The following RELA variants were observed in gnomAD, a reference collection of about 807,000 sequenced individuals.
The protein encoded by RELA is RELA proto-oncogene, NF-kB subunit.
RELA carries 14 observed loss-of-function variants against 56.7 expected under a neutral mutation model. That is an observed-to-expected ratio of 0.25 (90% CI 0.16 to 0.39). The LOEUF (loss-of-function observed/expected upper bound fraction) is 0.39. Ranked by LOEUF, RELA falls within the 10% of genes least tolerant of loss-of-function variation. The pLI, the probability that RELA is intolerant of heterozygous loss-of-function variation, is 1.00. For missense variants in RELA, 559 were observed against 736.4 expected (o/e 0.76, Z 2.79); for synonymous variants, 315 against 289.7 (o/e 1.09, Z -0.89).
Position 65,658,469 on chromosome 11 carries a change from C to G in RELA, c.695G>C (p.Gly232Ala), listed in dbSNP as rs1343398488. 6.2e-7 allele frequency: 1 copy of G among 1,611,484 alleles called. No individual in the cohort carries two copies. Among genetic ancestry groups the G allele is most frequent in the Admixed American group, 1.7e-5 (1 of 59,862 alleles). Residue 232 changes from glycine (G) to alanine (A), a missense_variant, in exon 8 of 11, where the codon GGC becomes GCC. Physicochemically the swap from Gly to Ala is moderately conservative, Grantham distance 60 (BLOSUM62 0). This residue lies in a region of RELA where 149 missense variants were observed against 256.0 expected (regional missense o/e 0.58). Coordinates refer to ENST00000406246, the MANE Select transcript of RELA (RefSeq NM_021975.4). This position sits in a 1 kb window ranked among gnomAD's most constrained non-coding sequence, Gnocchi z 4.5. ...CGAAAAGGAGCCTCGGGCCTCCCAGCCTGGTCCCGTGAAATACACCTCAAT... is the reference window on the plus strand; with the variant it reads ...CGAAAAGGAGCCTCGGGCCTCCCAGGCTGGTCCCGTGAAATACACCTCAAT... ...EDIEVYFTGP[G>A]WEARGSFSQA...
At chr11:65,660,964 G>A (rs915391720) in intron 4 of RELA, among the ~76,000 whole-genome samples, 6 of 150,976 alleles carry the variant, frequency 4.0e-5, no homozygotes, top group Non-Finnish European at 5.9e-5. Context: ...GCATGAACCC[G>A]GAAGGTGGAG....
At chr11:65,661,480 C>G (rs1261431883) in intron 4 of RELA, 2 of 483,490 alleles carry the variant, frequency 4.1e-6, no homozygotes, top group Non-Finnish European at 7.3e-6. Context: ...TGATTAGGGA[C>G]CCATCCGTAT....
intron 5 of RELA, 140 bp downstream of exon 5, chr11:65,659,983 TC>T: frequency 8.6e-7 from 1 of 1,160,804 alleles, no homozygotes; most frequent in Non-Finnish European, 1.3e-6. Context: ...GGACTCAGTT[TC>T]CCAGTGGTAA....
At chr11:65,662,974 C>A, upstream of RELA, 1 of 606,548 alleles carries the variant, frequency 1.6e-6, no homozygotes. Flanking sequence ...CTGCGCGCTG[C>A]CCCGCCGCCG....
In RELA at chr11:65,654,071, A is replaced by AGGATGG. The variant is rs1856350095; in HGVS notation, c.*301_*306dup. The AGGATGG allele has an allele frequency of 2.3e-6, 1 of 433,824 alleles. No homozygotes were observed. The highest frequency in any genetic ancestry group is 4.3e-6 in the Non-Finnish European group (1 of 234,638). 26.9% of individuals were successfully genotyped at this position (433,824 alleles called of 1,614,324 possible). ...TCTCTAGGAGAGTACCAGAAGCTGG[A>AGGATGG]GGATGGGGATGGGGGACCCCAGAGT... On this transcript the variant is annotated 3_prime_UTR_variant, in exon 11 of 11. Coordinates refer to ENST00000406246, the MANE Select transcript of RELA (RefSeq NM_021975.4).
Position 65,655,755 on chromosome 11 carries a change from G to C in RELA, c.966C>G (p.Thr322=). The C allele has an allele frequency of 1.9e-6, 3 of 1,613,956 alleles. No homozygotes were observed. The East Asian group carries it at 6.7e-5, about 36-fold the overall frequency. ...TGCGTCGAGGTGGAGGCCGGGGGTC[G>C]GTGGGTCCTGTAGGGCAAGGGCTAG... The part of the protein sequence containing the change: ...IMKKSPFSGP[T]DPRPPPRRIA... The change falls in exon 10 of 11, where the codon ACC becomes ACG. Residue 322 remains threonine (T), a synonymous_variant. Coordinates refer to ENST00000406246, the MANE Select transcript of RELA (RefSeq NM_021975.4).
chr11:65,656,033 C>T, intron 8 of RELA, 98 bp from the exon 9 acceptor site: 1 of 979,896 alleles, frequency 1.0e-6, no homozygotes, highest in Non-Finnish European at 1.6e-6. Flanking sequence ...GCCAGGCTTT[C>T]CCAAGACCCA....
chr11:65,662,524 C>G lies in RELA; in HGVS notation c.7+302G>C, dbSNP rs1480552232. The G allele has an allele frequency of 8.9e-6, 4 of 447,268 alleles. No homozygotes were observed. In the Admixed American group the frequency reaches 1.6e-4, roughly 18 times the overall value. 27.7% of individuals were successfully genotyped at this position (447,268 alleles called of 1,614,324 possible). A position where few individuals can be genotyped will look rare whatever the true frequency, so the allele number is the denominator to read the frequency against. On this transcript the variant is annotated intron_variant, in intron 1 of 10. Transcript: ENST00000406246. The stretch of plus-strand genomic sequence containing the variant: ...GGAAACTGAATCAGATGCGTTCTCC[C>G]CTAATAGGGAAACGAAGCCAGAGCT...
chr11:65,656,390 ACTGT>A (rs1190431080), intron 8 of RELA, among the ~76,000 whole-genome samples: 2 of 152,202 alleles, frequency 1.3e-5, no homozygotes, highest in Non-Finnish European at 1.5e-5. Context: ...AGCTTTCAGA[ACTGT>A]CTTTCTAATT....
Position 65,654,172 on chromosome 11 carries a change from A to G in RELA, c.*206T>C. The G allele has an allele frequency of 5.7e-6, 4 of 705,250 alleles. No individual in the cohort carries two copies. In the South Asian group the frequency reaches 6.1e-5, roughly 11 times the overall value. The allele number at this position is 705,250 out of a possible 1,614,324, so 43.7% of individuals were successfully genotyped here. A position where few individuals can be genotyped will look rare whatever the true frequency, so the allele number is the denominator to read the frequency against. On this transcript the variant is annotated 3_prime_UTR_variant, in exon 11 of 11. Coordinates refer to ENST00000406246, the MANE Select transcript of RELA (RefSeq NM_021975.4). ...TCCCCAGCTCCCCCCTTTCCAGAGAAGTTAATGCTTCTGCTTAAGCACCTC... is the reference window on the plus strand; with the variant it reads ...TCCCCAGCTCCCCCCTTTCCAGAGAGGTTAATGCTTCTGCTTAAGCACCTC...
At chr11:65,660,016 C>T in intron 5 of RELA, 108 bp downstream of exon 5, 1 of 1,239,310 alleles carries the variant, frequency 8.1e-7, no homozygotes, top group Non-Finnish European at 1.2e-6. Flanking sequence ...ACTGAATGGG[C>T]ACCAAGATTC....
chr11:65,654,425 TGGA>T lies in RELA; in HGVS notation c.1606_1608del (p.Ser536del), dbSNP rs766441250. The T allele has an allele frequency of 5.0e-5, 80 of 1,611,686 alleles. No homozygotes were observed. Among genetic ancestry groups the T allele is most frequent in the Admixed American group, 1.7e-4 (10 of 59,432 alleles). On this transcript the variant is annotated inframe_deletion, in exon 11 of 11. Coordinates refer to ENST00000406246, the MANE Select transcript of RELA (RefSeq NM_021975.4). ...AGGGCTGAGAAGTCCATGTCCGCAA[TGGA>T]GGAGAAGTCTTCATCTCCTGAAAGG...
chr11:65,657,103 G>C (rs552187084), intron 8 of RELA, among the ~76,000 whole-genome samples: 120 of 152,222 alleles, frequency 7.9e-4, no homozygotes, highest in African/African-American at 2.6e-3. Flanking sequence ...TAACAATACT[G>C]GAAGTGAGGT....
chr11:65,654,434 A>G lies in RELA; in HGVS notation c.1600T>C (p.Phe534Leu). 3 of 1,611,230 alleles carry G rather than the reference A, an allele frequency of 1.9e-6. No individual in the cohort carries two copies. The highest frequency in any genetic ancestry group is 2.2e-5 in the South Asian group (2 of 90,654). ...PNGLLSGDED[F>L]SSIADMDFSA... ...AAGTCCATGTCCGCAATGGAGGAGA[A>G]GTCTTCATCTCCTGAAAGGAGGCCA... is the stretch of plus-strand genomic sequence containing the variant. Residue 534 changes from phenylalanine (F) to leucine (L), a missense_variant, in exon 11 of 11, where the codon TTC becomes CTC. Coordinates refer to ENST00000406246, the MANE Select transcript of RELA (RefSeq NM_021975.4).
intron 1 of RELA, 110 bp from the exon 2 acceptor site, chr11:65,662,315 G>A (rs2135574171): frequency 2.3e-6 from 3 of 1,303,060 alleles, no homozygotes; most frequent in Non-Finnish European, 3.1e-6. Context: ...GGGGAACTGA[G>A]TCAGGACCTG....
intron 1 of RELA, 36 bp downstream of exon 1, chr11:65,662,790 G>T: frequency 8.3e-7 from 1 of 1,197,940 alleles, no homozygotes; most frequent in Non-Finnish European, 1.0e-6. Context: ...GGCGGCCCCG[G>T]CGATGCCACC....
intron 6 of RELA, 41 bp downstream of exon 6, chr11:65,659,625 G>A (rs1380095668): frequency 1.2e-6 from 2 of 1,610,928 alleles, no homozygotes; most frequent in Non-Finnish European, 1.7e-6. Context: ...CTCCTATTCA[G>A]GCCCACCCTC....
intron 10 of RELA, chr11:65,655,402 T>C (rs1856397996): frequency 3.4e-6 from 2 of 586,432 alleles, no homozygotes; most frequent in Non-Finnish European, 6.1e-6. Context: ...ATCTTGCTAA[T>C]TTAGAGGTGA....
intron 8 of RELA, among the ~76,000 whole-genome samples, chr11:65,657,025 T>TCAAACAAA (rs35168219): frequency 2.5e-4 from 37 of 150,918 alleles, no homozygotes; most frequent in Admixed American, 4.0e-4. Flanking sequence ...AGACTCTGTC[T>TCAAACAAA]CAAACAAACA....
Sources: gnomAD v4.1 joint callset for allele counts (sites outside exome capture counted in the v4.1 genomes callset) on GRCh38, gnomAD v4.1.1 for gene constraint, gnomAD v4.1.1 regional missense constraint, Gnocchi (gnomAD v3.1) non-coding constraint, MANE v1.5 for transcripts, NCBI Gene and HGNC (gene_info 2026-07-23, HGNC 2026-07-21) for gene names.